Variants in LRRC49 observed in about 807,000 individuals in gnomAD.
LRRC49 encodes leucine rich repeat containing 49, also known as leucine-rich repeat-containing protein 49.
LRRC49 carries 50 observed loss-of-function variants against 83.3 expected under a neutral mutation model. The observed-to-expected ratio is 0.60, with a 90% confidence interval of 0.48 to 0.76. LRRC49 has a LOEUF of 0.76. LRRC49 is among the 30% of genes least tolerant of loss of function. The pLI is 0.00. For synonymous variants in LRRC49, 286 were observed against 283.3 expected (o/e 1.01, Z -0.10); for missense variants, 704 against 809.1 (o/e 0.87, Z 1.58).
chr15:70,892,262 C>G (rs764035877), upstream of LRRC49: 1 of 1,571,680 alleles, frequency 6.4e-7, no homozygotes, highest in South Asian at 1.2e-5. Context: ...GGCCACACAA[C>G]GGGCCGGCAT....
intron 1 of LRRC49, among the ~76,000 whole-genome samples, chr15:70,869,401 C>T (rs2032981294): frequency 6.6e-6 from 1 of 152,174 alleles, no homozygotes. Context: ...CATATTTAAA[C>T]CAAATGATCC....
intron 10 of LRRC49, among the ~76,000 whole-genome samples, chr15:70,982,774 A>T (rs1188041051): frequency 6.6e-6 from 1 of 152,066 alleles, no homozygotes; most frequent in Non-Finnish European, 1.5e-5. Context: ...GCACCACTGC[A>T]CTCCCCCAGA....
intron 9 of LRRC49, among the ~76,000 whole-genome samples, chr15:70,977,429 G>A (rs1467124534): frequency 6.6e-6 from 1 of 152,162 alleles, no homozygotes; most frequent in African/African-American, 2.4e-5. Context: ...CAGATCACAT[G>A]AGGCTAGGCG....
chr15:71,001,194 T>G (rs1222771817), intron 11 of LRRC49, among the ~76,000 whole-genome samples: 1 of 152,216 alleles, frequency 6.6e-6, no homozygotes, highest in Non-Finnish European at 1.5e-5. Context: ...TATTTGAGGT[T>G]AAGTTCTGAT....
intron 7 of LRRC49, among the ~76,000 whole-genome samples, chr15:70,923,112 G>C (rs2035067228): frequency 6.6e-6 from 1 of 151,880 alleles, no homozygotes. Context: ...TAAACATTTT[G>C]TAAGTTCCAT....
At chr15:70,999,779 G>C (rs940231767) in intron 11 of LRRC49, among the ~76,000 whole-genome samples, 1 of 152,086 alleles carries the variant, frequency 6.6e-6, no homozygotes, top group Non-Finnish European at 1.5e-5. Flanking sequence ...CAGCCTTTTT[G>C]GTCTGTCTGT....
At chr15:71,017,539 GA>G (rs912770878) in intron 14 of LRRC49, among the ~76,000 whole-genome samples, 14 of 148,800 alleles carry the variant, frequency 9.4e-5, no homozygotes, top group South Asian at 2.1e-4. Flanking sequence ...TGAGATAATA[GA>G]AAAAAAAAGG....
chr15:70,988,748 T>C (rs2037737363), intron 11 of LRRC49, among the ~76,000 whole-genome samples: 4 of 151,990 alleles, frequency 2.6e-5, no homozygotes, highest in African/African-American at 9.7e-5. Flanking sequence ...CCTTTACAAT[T>C]TGGCATGATT....
At chr15:70,956,559 A>G (rs2036410013) in intron 8 of LRRC49, among the ~76,000 whole-genome samples, 1 of 150,350 alleles carries the variant, frequency 6.7e-6, no homozygotes, top group African/African-American at 2.4e-5. Flanking sequence ...AAAAGCCAGT[A>G]TTTCACTATA....
chr15:70,973,072 T>A (rs1391829728), intron 9 of LRRC49, among the ~76,000 whole-genome samples: 1 of 152,156 alleles, frequency 6.6e-6, no homozygotes, highest in African/African-American at 2.4e-5. Flanking sequence ...CATTCTGGTT[T>A]TTGGAATTTT....
chr15:70,912,251 T>A (rs542658678), intron 6 of LRRC49, among the ~76,000 whole-genome samples: 1 of 151,936 alleles, frequency 6.6e-6, no homozygotes, highest in East Asian at 1.9e-4. Context: ...CCTGTTTTTA[T>A]TGTTGTTGTT....
At chr15:70,977,016 C>CA (rs1333504224) in intron 9 of LRRC49, among the ~76,000 whole-genome samples, 1 of 152,038 alleles carries the variant, frequency 6.6e-6, no homozygotes, top group Non-Finnish European at 1.5e-5. Flanking sequence ...AAATTCTTTT[C>CA]AAAAATCTGA....
chr15:70,883,358 AT>A (rs2033317779), intron 2 of LRRC49, among the ~76,000 whole-genome samples: 2 of 151,732 alleles, frequency 1.3e-5, no homozygotes, highest in South Asian at 4.2e-4. Flanking sequence ...CGCCCAGCTA[AT>A]TTTTTTGTAT....
chr15:70,860,233 C>T, intron 1 of LRRC49: 1 of 618,502 alleles, frequency 1.6e-6, no homozygotes, highest in East Asian at 2.8e-5. Context: ...GGCCGCTGTG[C>T]ATGGTATCAC....
At chr15:70,886,721 C>T (rs2033417496) in intron 2 of LRRC49, among the ~76,000 whole-genome samples, 1 of 151,892 alleles carries the variant, frequency 6.6e-6, no homozygotes. Context: ...CAAAAATTAG[C>T]TGGGTGCGGT....
rs2037350059 is a variant in LRRC49 at position 70,980,185 on chromosome 15, G to A, written c.1005+1G>A. 6.2e-7 allele frequency: 1 copy of A among 1,608,696 alleles called. No individual in the cohort carries two copies. Among genetic ancestry groups the A allele is most frequent in the Non-Finnish European group, 8.5e-7 (1 of 1,176,810 alleles). On this transcript the variant is annotated splice_donor_variant, in intron 10 of 15. Transcript: ENST00000260382. LOFTEE classifies it high-confidence loss of function. ...AAGTCATAAACAATCTTTGCTTAAG[G>A]TATTTTCTCTGATGTCTACATGGAT...
intron 1 of LRRC49, chr15:70,860,298 G>A (rs2032758583): frequency 5.7e-6 from 3 of 529,172 alleles, no homozygotes; most frequent in Non-Finnish European, 1.0e-5. Flanking sequence ...CACCCGCGGG[G>A]GAGTTTACTG....
chr15:70,927,589 T>G (rs897947606), intron 7 of LRRC49, among the ~76,000 whole-genome samples: 3 of 152,216 alleles, frequency 2.0e-5, no homozygotes, highest in African/African-American at 7.2e-5. Context: ...TACATTTTCC[T>G]CCAGAAGGTT....
At chr15:70,964,077 T>A in intron 9 of LRRC49, 145 bp downstream of exon 9, 4 of 653,794 alleles carry the variant, frequency 6.1e-6, no homozygotes, top group Non-Finnish European at 9.1e-6. Flanking sequence ...TGCAATTATG[T>A]AGTTTTTACT....
Sources: gnomAD v4.1 joint callset for allele counts (sites outside exome capture counted in the v4.1 genomes callset) on GRCh38, gnomAD v4.1.1 for gene constraint, MANE v1.5 for transcripts, NCBI Gene and HGNC (gene_info 2026-07-23, HGNC 2026-07-21) for gene names.